The following NRG1 variants were observed in gnomAD, a reference collection of about 807,000 sequenced individuals.
NRG1 encodes the protein neuregulin 1, also known as pro-neuregulin-1, membrane-bound isoform.
NRG1 carries 18 observed loss-of-function variants against 63.8 expected under a neutral mutation model. The ratio of observed to expected loss-of-function variants is 0.28; its 90% CI spans 0.19 to 0.42. The LOEUF (loss-of-function observed/expected upper bound fraction) is 0.42, where lower values mean the gene tolerates loss of function less well. Ranked by LOEUF, NRG1 falls within the 10% of genes least tolerant of loss-of-function variation. The pLI is 1.00. For missense variants in NRG1, 762 were observed against 814.7 expected, an observed-to-expected ratio of 0.94 and a Z score of 0.79; for synonymous variants, 302 against 301.3, an observed-to-expected ratio of 1.00 and a Z score of -0.02.
intron 1 of NRG1, among the ~76,000 whole-genome samples, chr8:31,695,866 A>G (rs915183500): frequency 1.4e-5 from 2 of 147,910 alleles, no homozygotes; most frequent in Non-Finnish European, 3.0e-5. Flanking sequence ...ATCAAATATG[A>G]GAAATATAAG....
chr8:31,713,600 C>A (rs35584728), intron 1 of NRG1, among the ~76,000 whole-genome samples: 31,979 of 152,112 alleles, frequency 0.21, 3,771 homozygotes, highest in Non-Finnish European at 0.26. Context: ...TTCTATCAGA[C>A]CTTTGCCCTA....
At chr8:32,275,427 T>TG (rs1586563903) in intron 1 of NRG1, among the ~76,000 whole-genome samples, 1 of 151,854 alleles carries the variant, frequency 6.6e-6, no homozygotes, top group East Asian at 1.9e-4. Context: ...GACACAGAGA[T>TG]GGAGAGTGAC....
intron 1 of NRG1, among the ~76,000 whole-genome samples, chr8:32,415,381 G>A (rs896497580): frequency 2.4e-4 from 28 of 116,760 alleles, no homozygotes; most frequent in African/African-American, 4.1e-4. Context: ...AAAAAAAAAA[G>A]AAAGAAAGAA....
At chr8:32,577,194 T>C (rs370383490) in intron 1 of NRG1, among the ~76,000 whole-genome samples, 1 of 152,232 alleles carries the variant, frequency 6.6e-6, no homozygotes, top group Non-Finnish European at 1.5e-5. Flanking sequence ...AGTGTGTATA[T>C]ACTACATTTC....
At chr8:32,212,067 A>G (rs1844757524) in intron 1 of NRG1, among the ~76,000 whole-genome samples, 3 of 152,100 alleles carry the variant, frequency 2.0e-5, no homozygotes, top group Non-Finnish European at 4.4e-5. Context: ...TTGAATTGCC[A>G]CCTTTAACAC....
intron 1 of NRG1, among the ~76,000 whole-genome samples, chr8:32,404,355 C>G (rs147630069): frequency 4.7e-4 from 71 of 152,240 alleles, no homozygotes; most frequent in African/African-American, 1.5e-3. Flanking sequence ...CTCTTCAATG[C>G]CTAGTGTCCT....
intron 1 of NRG1, among the ~76,000 whole-genome samples, chr8:31,675,506 A>C (rs1807599004): frequency 1.3e-5 from 2 of 152,136 alleles, no homozygotes; most frequent in African/African-American, 4.8e-5. Flanking sequence ...ATTCTCCTTT[A>C]GTTTTAGATT....
chr8:32,676,832 T>C (rs1807255172), intron 5 of NRG1, among the ~76,000 whole-genome samples: 1 of 152,182 alleles, frequency 6.6e-6, no homozygotes, highest in South Asian at 2.1e-4. Flanking sequence ...TTGTCTAACT[T>C]GCCTAAGTTT....
At chr8:32,248,966 C>T (rs979158389) in intron 1 of NRG1, among the ~76,000 whole-genome samples, 23 of 152,036 alleles carry the variant, frequency 1.5e-4, no homozygotes, top group Non-Finnish European at 2.9e-4. Flanking sequence ...TATGTTCCTA[C>T]AAGAGACAGC....
intron 1 of NRG1, among the ~76,000 whole-genome samples, chr8:32,107,508 T>G (rs868737128): frequency 1.3e-5 from 2 of 152,352 alleles, no homozygotes; most frequent in South Asian, 2.1e-4. Flanking sequence ...TAAATTGATT[T>G]TTTGGCTCCA....
chr8:32,475,384 G>T (rs1394065187), intron 1 of NRG1, among the ~76,000 whole-genome samples: 3 of 149,950 alleles, frequency 2.0e-5, no homozygotes, highest in Non-Finnish European at 4.4e-5. Context: ...AGATTCACTT[G>T]AAGCCGGGAG....
At chr8:32,596,102 C>A in intron 2 of NRG1, 97 bp downstream of exon 2, 1 of 946,220 alleles carries the variant, frequency 1.1e-6, no homozygotes, top group Non-Finnish European at 1.5e-6. Flanking sequence ...CTATCAGAAA[C>A]ATAATAGATA....
At chr8:32,637,330 A>T (rs769223578) in intron 5 of NRG1, among the ~76,000 whole-genome samples, 43 of 152,178 alleles carry the variant, frequency 2.8e-4, no homozygotes, top group Non-Finnish European at 1.5e-4. Context: ...ATTGTTTAAG[A>T]GAACATGTAG....
intron 1 of NRG1, among the ~76,000 whole-genome samples, chr8:32,327,094 A>G (rs1802113098): frequency 6.6e-6 from 1 of 152,216 alleles, no homozygotes; most frequent in Non-Finnish European, 1.5e-5. Context: ...ACTGCCTGTC[A>G]TATTTCAGAG....
chr8:32,041,032 C>T (rs1819945984), intron 1 of NRG1, among the ~76,000 whole-genome samples: 1 of 151,866 alleles, frequency 6.6e-6, no homozygotes, highest in Admixed American at 6.6e-5. Flanking sequence ...AAATTTCTGA[C>T]ATCTGATGAT....
At chr8:32,687,094 G>A (rs1810353805) in intron 5 of NRG1, among the ~76,000 whole-genome samples, 1 of 152,160 alleles carries the variant, frequency 6.6e-6, no homozygotes, top group African/African-American at 2.4e-5. Context: ...ATATAAAGCT[G>A]TATCAACCAC....
intron 1 of NRG1, among the ~76,000 whole-genome samples, chr8:31,716,401 C>T (rs1812353918): frequency 6.6e-6 from 1 of 152,190 alleles, no homozygotes; most frequent in Non-Finnish European, 1.5e-5. Flanking sequence ...GCAAAATATG[C>T]TTATTTTCCT....
chr8:32,489,338 C>G (rs10099043), intron 1 of NRG1, among the ~76,000 whole-genome samples: 93,235 of 151,972 alleles, frequency 0.61, 28,834 homozygotes, highest in East Asian at 0.79. Flanking sequence ...AGCCCCCTGC[C>G]CAACTCCTGG....
intron 1 of NRG1, among the ~76,000 whole-genome samples, chr8:31,838,065 A>G (rs377411464): frequency 6.6e-6 from 1 of 152,076 alleles, no homozygotes; most frequent in Non-Finnish European, 1.5e-5. Flanking sequence ...CCACAATGGT[A>G]GTACTGATTT....
Sources: gnomAD v4.1 joint callset for allele counts (sites outside exome capture counted in the v4.1 genomes callset) on GRCh38, gnomAD v4.1.1 for gene constraint, MANE v1.5 for transcripts, NCBI Gene and HGNC (gene_info 2026-07-23, HGNC 2026-07-21) for gene names.